The following CACNA1I variants were observed in gnomAD, a reference collection of about 807,000 sequenced individuals.
CACNA1I encodes voltage-dependent T-type calcium channel subunit alpha-1I.
In CACNA1I, 74 loss-of-function variants were observed where a neutral mutation model predicts 201.6. The observed-to-expected ratio is 0.37, with a 90% confidence interval of 0.30 to 0.45. The LOEUF is 0.45. Ranked by LOEUF, CACNA1I falls within the 20% of genes least tolerant of loss-of-function variation. The probability of loss-of-function intolerance (pLI) is 1.00; values close to 1 mark genes in which losing one functional copy is unlikely to be tolerated. For missense variants in CACNA1I, 2,346 were observed against 3,138.1 expected (o/e 0.75, Z 6.03); for synonymous variants, 1,431 against 1,345.2 (o/e 1.06, Z -1.40).
chr22:39,572,933 T>G (rs2145795269), intron 1 of CACNA1I, among the ~76,000 whole-genome samples: 1 of 152,154 alleles, frequency 6.6e-6, no homozygotes, highest in African/African-American at 2.4e-5. Flanking sequence ...ATTTTTGTAT[T>G]TTTAGTAGAG....
Position 39,684,684 on chromosome 22 carries a change from G to T in CACNA1I, c.6027+186G>T, listed in dbSNP as rs186064236. 6.7e-5 allele frequency: 35 copies of T among 519,926 alleles called. No homozygotes were observed. The East Asian group carries it at 1.0e-3, about 15-fold the overall frequency. The allele number at this position is 519,926 out of a possible 1,614,324, so 32.2% of individuals were successfully genotyped here. A position where few individuals can be genotyped will look rare whatever the true frequency, so the allele number is the denominator to read the frequency against. ...TGGAGGGGGAGGTGGCACTGGGGCG[G>T]ATGGAGTGGGCGGGGCTGGGTCCTG... On this transcript the variant is annotated intron_variant, in intron 36 of 36. Coordinates refer to ENST00000402142, the MANE Select transcript of CACNA1I (RefSeq NM_021096.4). The surrounding 1 kb of genome is among the most constrained non-coding windows in gnomAD (Gnocchi z 4.6).
intron 25 of CACNA1I, among the ~76,000 whole-genome samples, 155 bp downstream of exon 25, chr22:39,670,385 C>T (rs1041208547): frequency 1.3e-5 from 2 of 152,204 alleles, no homozygotes; most frequent in South Asian, 4.1e-4. Context: ...TCTTCCTGTC[C>T]AGGGGATCTG....
At position 39,666,036 on chromosome 22, in the gene CACNA1I, A is replaced by G. The variant is rs746345672; in HGVS notation, c.4104+30A>G. 6.2e-7 allele frequency: 1 copy of G among 1,602,650 alleles called. No individual in the cohort carries two copies. The highest frequency in any genetic ancestry group is 1.1e-5 in the South Asian group (1 of 90,154). Reference sequence around the variant, plus strand: ...GCACCACCGTCCTAGCCCTGATCAGACCCTCCCCTCTCTTGGATGCCAGTG... The same window carrying G: ...GCACCACCGTCCTAGCCCTGATCAGGCCCTCCCCTCTCTTGGATGCCAGTG... On this transcript the variant is annotated intron_variant, in intron 23 of 36. Coordinates refer to ENST00000402142, the MANE Select transcript of CACNA1I (RefSeq NM_021096.4). The surrounding 1 kb of genome is among the most constrained non-coding windows in gnomAD (Gnocchi z 4.1).
intron 35 of CACNA1I, among the ~76,000 whole-genome samples, chr22:39,683,303 A>T (rs972683757): frequency 3.9e-5 from 6 of 152,140 alleles, no homozygotes; most frequent in African/African-American, 1.2e-4. Flanking sequence ...CAGAGAGATG[A>T]GGAGCCCAGC....
At position 39,646,884 on chromosome 22, in the gene CACNA1I, A is replaced by G. The variant is rs890200695; in HGVS notation, c.1462+3A>G. 3 of 1,487,118 alleles carry G rather than the reference A, an allele frequency of 2.0e-6. No individual in the cohort carries two copies. The highest frequency in any genetic ancestry group is 5.0e-5 in the East Asian group (2 of 40,304). 92.1% of individuals were successfully genotyped at this position (1,487,118 alleles called of 1,614,324 possible). On this transcript the variant is annotated splice_donor_region_variant and intron_variant, in intron 8 of 36. Coordinates refer to ENST00000402142, the MANE Select transcript of CACNA1I (RefSeq NM_021096.4). ...CGCCAAGGAGCCCCGGCACTACCGT[A>G]AGTGGCCCTGCATCCGACGCGGCAC...
At chr22:39,650,012 G>A in intron 10 of CACNA1I, 87 bp downstream of exon 10, 2 of 1,423,254 alleles carry the variant, frequency 1.4e-6, no homozygotes, top group Non-Finnish European at 2.0e-6. Context: ...CCATCCATCT[G>A]CCTGGGTTTG....
chr22:39,601,741 T>G (rs1933037486), intron 3 of CACNA1I, among the ~76,000 whole-genome samples: 1 of 151,718 alleles, frequency 6.6e-6, no homozygotes, highest in Admixed American at 6.6e-5. Flanking sequence ...TCCACAGATG[T>G]GTTCTGAAGT....
Position 39,679,836 on chromosome 22 carries a change from G to T in CACNA1I, c.5509G>T (p.Gly1837Cys), listed in dbSNP as rs746682458. The change falls in exon 33 of 37, where the codon GGC becomes TGC. Residue 1837 changes from glycine to cysteine, a missense_variant. Transcript: ENST00000402142. ...CTTCCACCACTACTCCTCGCCTGCCGGCTGCAAGAAGTGTCACCACGACAA... is the reference window on the plus strand; with the variant it reads ...CTTCCACCACTACTCCTCGCCTGCCTGCTGCAAGAAGTGTCACCACGACAA... ...SIFHHYSSPA[G>C]CKKCHHDKQE... The T allele has an allele frequency of 1.1e-5, 17 of 1,612,704 alleles. No homozygotes were observed. The highest frequency in any genetic ancestry group is 1.4e-5 in the Non-Finnish European group (17 of 1,179,500).
At chr22:39,631,059 A>G (rs965071083) in intron 4 of CACNA1I, among the ~76,000 whole-genome samples, 2 of 152,154 alleles carry the variant, frequency 1.3e-5, no homozygotes, top group Non-Finnish European at 2.9e-5. Flanking sequence ...GCACTTTCCC[A>G]TGGGGCGTAT....
At chr22:39,623,059 G>T (rs1933795929) in intron 4 of CACNA1I, among the ~76,000 whole-genome samples, 1 of 152,224 alleles carries the variant, frequency 6.6e-6, no homozygotes, top group African/African-American at 2.4e-5. Context: ...CCAGCAGGGG[G>T]CAGCACTGTG....
intron 11 of CACNA1I, among the ~76,000 whole-genome samples, 184 bp downstream of exon 11, chr22:39,658,487 A>G (rs1934896205): frequency 6.6e-6 from 1 of 152,270 alleles, no homozygotes; most frequent in Non-Finnish European, 1.5e-5. Context: ...AGCATGATCT[A>G]GCAGCGCGTC....
chr22:39,666,052 G>A lies in CACNA1I; in HGVS notation c.4104+46G>A. 1 of 1,586,200 alleles carries A rather than the reference G, an allele frequency of 6.3e-7. No individual in the cohort carries two copies. The highest frequency in any genetic ancestry group is 8.6e-7 in the Non-Finnish European group (1 of 1,164,558). ...CCTGATCAGACCCTCCCCTCTCTTG[G>A]ATGCCAGTGGCTCTGGGAATCACAG... On this transcript the variant is annotated intron_variant, in intron 23 of 36. Coordinates refer to ENST00000402142, the MANE Select transcript of CACNA1I (RefSeq NM_021096.4). This position sits in a 1 kb window ranked among gnomAD's most constrained non-coding sequence, Gnocchi z 4.1.
intron 10 of CACNA1I, among the ~76,000 whole-genome samples, chr22:39,656,127 A>G (rs1483807262): frequency 6.6e-6 from 1 of 152,110 alleles, no homozygotes; most frequent in African/African-American, 2.4e-5. Flanking sequence ...GTAATTACAG[A>G]TGGAAATGGG....
rs1935903725 is a variant in CACNA1I, at chr22:39,686,833, C to G, written c.*428C>G. 1 of 151,652 alleles carries G rather than the reference C, an allele frequency of 6.6e-6. No individual in the cohort carries two copies. Among genetic ancestry groups the G allele is most frequent in the Non-Finnish European group, 1.5e-5 (1 of 67,904 alleles). 9.4% of individuals were successfully genotyped at this position (151,652 alleles called of 1,614,324 possible). A position where few individuals can be genotyped will look rare whatever the true frequency, so the allele number is the denominator to read the frequency against. On this transcript the variant is annotated 3_prime_UTR_variant, in exon 37 of 37. Transcript: ENST00000402142. ...AGGGCACATGTCCTGCGGGGGCGTC[C>G]CAGCTGTGTTTTTTGATGTCTCCTC... is the stretch of plus-strand genomic sequence containing the variant.
chr22:39,636,901 C>T (rs1270836486), intron 5 of CACNA1I, among the ~76,000 whole-genome samples: 4 of 152,186 alleles, frequency 2.6e-5, no homozygotes, highest in African/African-American at 4.8e-5. Context: ...CTTCCTGGGG[C>T]GTAACACGCA....
Position 39,666,073 on chromosome 22 carries a change from C to T in CACNA1I, c.4104+67C>T. ...CTTGGATGCCAGTGGCTCTGGGAATCACAGACCTGGCTTGTCTTGCACTGC... is the reference window on the plus strand; with the variant it reads ...CTTGGATGCCAGTGGCTCTGGGAATTACAGACCTGGCTTGTCTTGCACTGC... On this transcript the variant is annotated intron_variant, in intron 23 of 36. Coordinates refer to ENST00000402142, the MANE Select transcript of CACNA1I (RefSeq NM_021096.4). This position sits in a 1 kb window ranked among gnomAD's most constrained non-coding sequence, Gnocchi z 4.1. 8 of 1,554,224 alleles carry T rather than the reference C, an allele frequency of 5.1e-6. No individual in the cohort carries two copies. The highest frequency in any genetic ancestry group is 6.1e-6 in the Non-Finnish European group (7 of 1,144,294).
At chr22:39,597,722 C>T (rs572654231) in intron 1 of CACNA1I, among the ~76,000 whole-genome samples, 1 of 152,244 alleles carries the variant, frequency 6.6e-6, no homozygotes, top group Non-Finnish European at 1.5e-5. Context: ...GCTCCAGACC[C>T]AGACCTTGGC....
Position 39,587,351 on chromosome 22 carries a change from T to G in CACNA1I, c.237-10800T>G, listed in dbSNP as rs555394240. 4.6e-5 allele frequency among the ~76,000 whole-genome samples: 7 copies of G among 152,266 alleles called. No individual in the cohort carries two copies. In the East Asian group the frequency reaches 5.8e-4, roughly 13 times the overall value. ...AGAACCAATCATGCCATTTGTCATGTGGGGAGTTCCTTGTCGCTGGAGGCA... is the reference window on the plus strand; with the variant it reads ...AGAACCAATCATGCCATTTGTCATGGGGGGAGTTCCTTGTCGCTGGAGGCA... On this transcript the variant is annotated intron_variant, in intron 1 of 36. Coordinates refer to ENST00000402142, the MANE Select transcript of CACNA1I (RefSeq NM_021096.4).
chr22:39,606,594 G>A (rs545752917), intron 3 of CACNA1I, among the ~76,000 whole-genome samples: 45 of 152,176 alleles, frequency 3.0e-4, no homozygotes, highest in South Asian at 2.3e-3. Context: ...GTGCAGTGGC[G>A]CCATCTCGGC....
Sources: allele counts gnomAD v4.1 joint callset (sites outside exome capture counted in the v4.1 genomes callset), GRCh38; gene constraint gnomAD v4.1.1; non-coding constraint Gnocchi (gnomAD v3.1); transcripts MANE v1.5; gene names NCBI Gene and HGNC (gene_info 2026-07-23, HGNC 2026-07-21).